The following DCC variants were observed in gnomAD, a reference collection of about 807,000 sequenced individuals.
DCC encodes the protein DCC netrin 1 receptor.
A neutral mutation model predicts 172.5 loss-of-function variants in DCC; 58 were observed. The ratio of observed to expected loss-of-function variants is 0.34; its 90% CI spans 0.27 to 0.42. DCC has a LOEUF of 0.42. Among genes scored for constraint, DCC ranks in the 10% least tolerant of loss-of-function variants. The pLI, the probability that DCC is intolerant of heterozygous loss-of-function variation, is 1.00. For missense variants in DCC, 1,740 were observed against 1,791.0 expected (o/e 0.97, Z 0.51); for synonymous variants, 709 against 644.5 (o/e 1.10, Z -1.52).
chr18:53,333,400 A>T (rs2057554182), intron 14 of DCC, among the ~76,000 whole-genome samples: 1 of 152,244 alleles, frequency 6.6e-6, no homozygotes, highest in Admixed American at 6.5e-5. Context: ...CATAAAATGC[A>T]GCACGCTAAA....
intron 1 of DCC, among the ~76,000 whole-genome samples, chr18:52,490,383 C>A (rs2030440093): frequency 6.6e-6 from 1 of 152,040 alleles, no homozygotes; most frequent in South Asian, 2.1e-4. Flanking sequence ...TTCCTAGTCA[C>A]ATGGCAGCTT....
intron 12 of DCC, among the ~76,000 whole-genome samples, chr18:53,279,545 T>C (rs181644808): frequency 1.8e-3 from 270 of 150,186 alleles, no homozygotes; most frequent in African/African-American, 6.3e-3. Context: ...ATACCTAATG[T>C]TAAATGACGA....
intron 7 of DCC, among the ~76,000 whole-genome samples, chr18:53,149,157 C>T (rs146554169): frequency 3.3e-5 from 5 of 152,040 alleles, no homozygotes; most frequent in African/African-American, 4.8e-5. Context: ...CACCACGCCC[C>T]GCCTCCCAAA....
chr18:52,387,004 G>T (rs1351236647), intron 1 of DCC, among the ~76,000 whole-genome samples: 1 of 152,078 alleles, frequency 6.6e-6, no homozygotes, highest in Non-Finnish European at 1.5e-5. Flanking sequence ...AAATGAAGCA[G>T]AAAGGGCAGA....
At chr18:52,911,903 A>G (rs1390753064) in intron 3 of DCC, among the ~76,000 whole-genome samples, 1 of 151,990 alleles carries the variant, frequency 6.6e-6, no homozygotes, top group East Asian at 1.9e-4. Context: ...CTGGAAAAAA[A>G]TGAAGTATAT....
chr18:52,988,147 G>T (rs2041324934), intron 5 of DCC, among the ~76,000 whole-genome samples: 1 of 152,028 alleles, frequency 6.6e-6, no homozygotes, highest in African/African-American at 2.4e-5. Flanking sequence ...TAGTATGCAA[G>T]GAATTAGAAT....
Position 53,195,701 on chromosome 18 carries a change from C to T in DCC, c.1574-9515C>T, listed in dbSNP as rs114047879. Among the ~76,000 whole-genome samples the T allele has an allele frequency of 2.1e-3, 323 of 151,938 alleles. 1 individual carries two copies. The highest frequency in any genetic ancestry group is 7.4e-3 in the African/African-American group (309 of 41,484). On this transcript the variant is annotated intron_variant, in intron 9 of 28. Coordinates refer to ENST00000442544, the MANE Select transcript of DCC (RefSeq NM_005215.4). ...CCATTCCTCCTGATGTGTCCTGTCTCGTCGGATTCATCCTTCATTCATCCA... is the reference window on the plus strand; with the variant it reads ...CCATTCCTCCTGATGTGTCCTGTCTTGTCGGATTCATCCTTCATTCATCCA...
At chr18:53,344,440 CTTTTTTTTTT>C (rs71175582) in intron 15 of DCC, among the ~76,000 whole-genome samples, 2 of 97,064 alleles carry the variant, frequency 2.1e-5, no homozygotes, top group Admixed American at 1.3e-4. Context: ...TTTCGTTTTT[CTTTTTTTTTT>C]TTTTTTTTTT....
At chr18:53,365,794 T>TAA (rs1483775414) in intron 15 of DCC, among the ~76,000 whole-genome samples, 1 of 152,188 alleles carries the variant, frequency 6.6e-6, no homozygotes, top group African/African-American at 2.4e-5. Flanking sequence ...GAACAGTGGT[T>TAA]GATTGCTCAG....
intron 1 of DCC, among the ~76,000 whole-genome samples, chr18:52,392,785 C>T (rs1022735277): frequency 2.6e-5 from 4 of 151,892 alleles, no homozygotes; most frequent in African/African-American, 4.8e-5. Context: ...GAAAGAAAGA[C>T]CAAGAAAATA....
intron 5 of DCC, among the ~76,000 whole-genome samples, chr18:53,004,336 C>A (rs1371402441): frequency 6.6e-6 from 1 of 152,174 alleles, no homozygotes; most frequent in Non-Finnish European, 1.5e-5. Flanking sequence ...TAGGAAACAT[C>A]TGCATGTTAA....
At chr18:53,032,821 TAAA>T (rs962690692) in intron 5 of DCC, among the ~76,000 whole-genome samples, 4 of 151,984 alleles carry the variant, frequency 2.6e-5, no homozygotes, top group African/African-American at 9.7e-5. Context: ...TAGTTTCTAA[TAAA>T]AAGAAAAACC....
Position 53,381,293 on chromosome 18 carries a change from A to G in DCC, c.2360-4750A>G, listed in dbSNP as rs149513975. Among the ~76,000 whole-genome samples the G allele has an allele frequency of 5.0e-3, 760 of 152,204 alleles. 9 individuals carry two copies. Among genetic ancestry groups the G allele is most frequent in the African/African-American group, 0.017 (707 of 41,538 alleles). On this transcript the variant is annotated intron_variant, in intron 15 of 28. Transcript: ENST00000442544. ...AGGTAATAATCCAGTAATGTTACAG[A>G]AGCTTTTACAGAGTGCATTTTCTAT...
At chr18:52,951,346 A>G (rs944310986) in intron 5 of DCC, among the ~76,000 whole-genome samples, 1 of 152,166 alleles carries the variant, frequency 6.6e-6, no homozygotes, top group African/African-American at 2.4e-5. Context: ...TACATGTGCC[A>G]CGGTGGTTTG....
At chr18:52,877,704 TA>T (rs35330118) in intron 2 of DCC, among the ~76,000 whole-genome samples, 59,481 of 148,622 alleles carry the variant, frequency 0.4, 12,295 homozygotes, top group Non-Finnish European at 0.47. Flanking sequence ...TGAGACAATA[TA>T]AAAAAAAAAA....
intron 1 of DCC, among the ~76,000 whole-genome samples, chr18:52,723,029 C>T (rs2036496987): frequency 6.6e-6 from 1 of 152,178 alleles, no homozygotes; most frequent in Non-Finnish European, 1.5e-5. Flanking sequence ...GAGCATAGCT[C>T]TATTGTCCTC....
At position 53,314,606 on chromosome 18, in the gene DCC, A is replaced by G. The variant is rs144247774; in HGVS notation, c.2054-7441A>G. Among the ~76,000 whole-genome samples the G allele has an allele frequency of 4.2e-3, 639 of 152,334 alleles. 5 individuals carry two copies. Among genetic ancestry groups the G allele is most frequent in the African/African-American group, 0.015 (608 of 41,586 alleles). ...TCAGCATTATATGAGCCATTTGACT[A>G]GATATTACTGAAGATTTTCTTTAAT... On this transcript the variant is annotated intron_variant, in intron 13 of 28. Coordinates refer to ENST00000442544, the MANE Select transcript of DCC (RefSeq NM_005215.4).
intron 1 of DCC, among the ~76,000 whole-genome samples, chr18:52,571,240 G>A (rs2033285054): frequency 6.6e-6 from 1 of 151,998 alleles, no homozygotes; most frequent in African/African-American, 2.4e-5. Context: ...ATATTCAGAT[G>A]GAGGAATCTG....
chr18:53,157,552 T>C (rs1231025711), intron 8 of DCC, 40 bp downstream of exon 8: 2 of 1,606,086 alleles, frequency 1.2e-6, no homozygotes. Context: ...TAATCGGTCA[T>C]CTCTTTAAGT....
Sources: allele counts gnomAD v4.1 joint callset (sites outside exome capture counted in the v4.1 genomes callset), GRCh38; gene constraint gnomAD v4.1.1; transcripts MANE v1.5; gene names NCBI Gene and HGNC (gene_info 2026-07-23, HGNC 2026-07-21).